DLGAP1: variants seen among roughly 807,000 people sequenced by gnomAD.
DLGAP1 encodes disks large-associated protein 1.
Under a neutral mutation model 90.8 loss-of-function variants are expected in DLGAP1, and 11 were observed. That is an observed-to-expected ratio of 0.12 (90% CI 0.08 to 0.20). DLGAP1 has a LOEUF of 0.20. Among genes scored for constraint, DLGAP1 ranks in the 10% least tolerant of loss-of-function variants. DLGAP1 has a pLI of 1.00. For missense variants in DLGAP1, 1,050 were observed against 1,333.8 expected, an observed-to-expected ratio of 0.79 and a Z score of 3.31; for synonymous variants, 558 against 540.7, an observed-to-expected ratio of 1.03 and a Z score of -0.44.
chr18:3,741,102 ATCAC>A (rs2062945434), intron 6 of DLGAP1, among the ~76,000 whole-genome samples: 1 of 103,416 alleles, frequency 9.7e-6, no homozygotes, highest in African/African-American at 4.2e-5. Flanking sequence ...CACCACCACC[ATCAC>A]CATCACCACC....
chr18:4,086,343 C>T (rs758391124), intron 2 of DLGAP1, among the ~76,000 whole-genome samples: 23 of 152,174 alleles, frequency 1.5e-4, no homozygotes, highest in Admixed American at 1.3e-4. Flanking sequence ...AAAAACTGTG[C>T]TCTAAACCGG....
intron 6 of DLGAP1, among the ~76,000 whole-genome samples, chr18:3,741,990 G>A (rs2063072946): frequency 6.6e-6 from 1 of 151,984 alleles, no homozygotes; most frequent in South Asian, 2.1e-4. Context: ...TCACAGATGG[G>A]TGCCACCATG....
chr18:4,261,565 C>G (rs1181934939), intron 1 of DLGAP1, among the ~76,000 whole-genome samples: 1 of 152,156 alleles, frequency 6.6e-6, no homozygotes, highest in African/African-American at 2.4e-5. Context: ...TGTGACCCCC[C>G]TTCGTCCCTA....
At chr18:4,174,635 A>G (rs1254482457) in intron 1 of DLGAP1, among the ~76,000 whole-genome samples, 2 of 151,946 alleles carry the variant, frequency 1.3e-5, no homozygotes, top group African/African-American at 2.4e-5. Context: ...ACCCAACCTT[A>G]TTTTACTTTA....
At chr18:3,805,737 T>TTTA (rs2066531504) in intron 5 of DLGAP1, among the ~76,000 whole-genome samples, 1 of 152,262 alleles carries the variant, frequency 6.6e-6, no homozygotes, top group African/African-American at 2.4e-5. Flanking sequence ...TGTAAAGATC[T>TTTA]TATATAGATA....
intron 8 of DLGAP1, among the ~76,000 whole-genome samples, chr18:3,578,115 G>T (rs190272009): frequency 6.6e-6 from 1 of 152,080 alleles, no homozygotes; most frequent in Non-Finnish European, 1.5e-5. Context: ...TTTTCCAGAT[G>T]AAGAATCTGA....
At chr18:3,628,429 C>T (rs2058394924) in intron 7 of DLGAP1, among the ~76,000 whole-genome samples, 1 of 151,986 alleles carries the variant, frequency 6.6e-6, no homozygotes, top group Non-Finnish European at 1.5e-5. Context: ...CTCAAGTGAT[C>T]CACCCACCTC....
chr18:4,433,933 C>T (rs922578006), intron 1 of DLGAP1, among the ~76,000 whole-genome samples: 3 of 152,082 alleles, frequency 2.0e-5, no homozygotes, highest in Non-Finnish European at 2.9e-5. Flanking sequence ...TCTGTGGGCT[C>T]CTCTGTGATT....
intron 2 of DLGAP1, among the ~76,000 whole-genome samples, chr18:4,055,769 C>T (rs1416916080): frequency 6.6e-6 from 1 of 152,078 alleles, no homozygotes; most frequent in African/African-American, 2.4e-5. Context: ...GTGTGTGGGC[C>T]ACCCCCATGT....
chr18:4,055,459 G>A (rs994046564), intron 2 of DLGAP1, among the ~76,000 whole-genome samples: 2 of 152,064 alleles, frequency 1.3e-5, no homozygotes, highest in Non-Finnish European at 2.9e-5. Flanking sequence ...AGTGGGCCCC[G>A]GTGTCGTCTG....
intron 1 of DLGAP1, among the ~76,000 whole-genome samples, chr18:4,337,558 G>A (rs1478288977): frequency 4.6e-5 from 7 of 152,104 alleles, no homozygotes; most frequent in Non-Finnish European, 7.4e-5. Flanking sequence ...ATTTACAAAT[G>A]TATGACATTT....
rs1014334947 is a variant in DLGAP1 at position 4,454,102 on chromosome 18, A to C, written c.-267+904T>G. On this transcript the variant is annotated intron_variant, in intron 1 of 12. Coordinates refer to ENST00000315677, the MANE Select transcript of DLGAP1 (RefSeq NM_004746.4). The surrounding 1 kb of genome is among the most constrained non-coding windows in gnomAD (Gnocchi z 4.7). ...CCCCTTCCCACGGCCTCCCGGTGCCACCCAGCGAGGCCGGGACAGCGCGCC... is the reference window on the plus strand; with the variant it reads ...CCCCTTCCCACGGCCTCCCGGTGCCCCCCAGCGAGGCCGGGACAGCGCGCC... Among the ~76,000 whole-genome samples, 3 of 152,204 alleles carry C rather than the reference A, an allele frequency of 2.0e-5. No individual in the cohort carries two copies. The highest frequency in any genetic ancestry group is 7.2e-5 in the African/African-American group (3 of 41,458).
chr18:4,187,159 G>C (rs180946061), intron 1 of DLGAP1, among the ~76,000 whole-genome samples: 6 of 152,170 alleles, frequency 3.9e-5, no homozygotes, highest in Non-Finnish European at 8.8e-5. Flanking sequence ...TGGGTCAAAA[G>C]TATGAAGTTT....
intron 4 of DLGAP1, among the ~76,000 whole-genome samples, chr18:3,848,311 A>G (rs190668417): frequency 5.4e-4 from 82 of 152,070 alleles, no homozygotes; most frequent in African/African-American, 1.9e-3. Context: ...GGGAGGAGGG[A>G]GGAGAAGGAC....
intron 7 of DLGAP1, among the ~76,000 whole-genome samples, chr18:3,601,075 T>G (rs947431762): frequency 6.0e-5 from 9 of 148,778 alleles, no homozygotes; most frequent in Non-Finnish European, 1.2e-4. Flanking sequence ...TATAGATATA[T>G]AGATAGATAT....
At chr18:3,862,901 C>T (rs1408891028) in intron 4 of DLGAP1, among the ~76,000 whole-genome samples, 4 of 152,274 alleles carry the variant, frequency 2.6e-5, no homozygotes, top group Admixed American at 6.5e-5. Flanking sequence ...GGCCTCCCTG[C>T]CCCGCTTTGG....
chr18:4,104,298 A>C (rs902260302), intron 2 of DLGAP1, among the ~76,000 whole-genome samples: 2 of 152,108 alleles, frequency 1.3e-5, no homozygotes, highest in African/African-American at 2.4e-5. Context: ...TAATGTATAT[A>C]TTTTTGAAAG....
At chr18:4,037,837 G>A (rs1195918247) in intron 2 of DLGAP1, among the ~76,000 whole-genome samples, 1 of 152,186 alleles carries the variant, frequency 6.6e-6, no homozygotes, top group Non-Finnish European at 1.5e-5. Context: ...GTGCATGCCT[G>A]TTGTCCCAGC....
At chr18:3,605,837 T>C (rs2057301546) in intron 7 of DLGAP1, among the ~76,000 whole-genome samples, 1 of 151,960 alleles carries the variant, frequency 6.6e-6, no homozygotes, top group South Asian at 2.1e-4. Flanking sequence ...TTTTTTTGCC[T>C]GTCTATAGAT....
Sources: gnomAD v4.1 joint callset for allele counts (sites outside exome capture counted in the v4.1 genomes callset) on GRCh38, gnomAD v4.1.1 for gene constraint, Gnocchi (gnomAD v3.1) non-coding constraint, MANE v1.5 for transcripts, NCBI Gene and HGNC (gene_info 2026-07-23, HGNC 2026-07-21) for gene names.